Variants in IPO8 observed in about 807,000 individuals in gnomAD.
IPO8 encodes importin-8.
A neutral mutation model predicts 141.2 loss-of-function variants in IPO8; 65 were observed. The observed-to-expected ratio is 0.46, with a 90% CI of 0.38 to 0.57. IPO8 has a LOEUF of 0.57. Ranked by LOEUF, IPO8 falls within the 20% of genes least tolerant of loss-of-function variation. IPO8 has a pLI of 0.00. For missense variants in IPO8, 980 were observed against 1,246.8 expected (o/e 0.79, Z 3.22); for synonymous variants, 411 against 420.3 (o/e 0.98, Z 0.27).
At chr12:30,637,839 G>T (rs1591951095) in intron 21 of IPO8, among the ~76,000 whole-genome samples, 1 of 152,094 alleles carries the variant, frequency 6.6e-6, no homozygotes, top group Non-Finnish European at 1.5e-5. Flanking sequence ...AGAACTAAAA[G>T]ATTACATTGG....
At chr12:30,670,718 T>C (rs918085674) in intron 9 of IPO8, among the ~76,000 whole-genome samples, 1 of 152,206 alleles carries the variant, frequency 6.6e-6, no homozygotes, top group African/African-American at 2.4e-5. Flanking sequence ...TGAGGCTTAA[T>C]GAGATTAAGC....
At chr12:30,667,937 A>G (rs1295661655) in intron 10 of IPO8, among the ~76,000 whole-genome samples, 2 of 152,122 alleles carry the variant, frequency 1.3e-5, no homozygotes, top group Non-Finnish European at 2.9e-5. Context: ...GGAGTTCGAA[A>G]CCAGCCTGGG....
intron 19 of IPO8, 122 bp downstream of exon 19, chr12:30,652,068 AAT>A: frequency 1.8e-6 from 1 of 544,874 alleles, no homozygotes; most frequent in Non-Finnish European, 3.2e-6. Flanking sequence ...CAAATGAAAA[AAT>A]ATATGTTGAT....
rs775183942 is a variant in IPO8 at position 30,652,197 on chromosome 12, T to C, written c.2167A>G (p.Arg723Gly). The change falls in exon 19 of 25, where the codon AGG (arginine) becomes GGG (glycine). Residue 723 changes from arginine to glycine, a missense_variant. By Grantham distance (125) the Arg-to-Gly change is moderately radical (BLOSUM62 -2). Around this residue, in one of 3 missense-constraint regions of IPO8, gnomAD observed 924 missense variants for 1,153.9 expected, o/e 0.80. Transcript: ENST00000256079. ...KHLEILFTMC[R>G]KVLCGDAGED... The stretch of plus-strand genomic sequence containing the variant: ...ATAGATTAGGTCATGCTTACCTTCC[T>C]ACACATTGTAAAAAGAATTTCTAAA... 4.5e-6 allele frequency: 7 copies of C among 1,549,598 alleles called. No individual in the cohort carries two copies. Among genetic ancestry groups the C allele is most frequent in the Non-Finnish European group, 5.3e-6 (6 of 1,123,218 alleles).
rs1013849879 is a variant in IPO8, at chr12:30,695,511, C to G, written c.84+53G>C. 1.0e-5 allele frequency: 16 copies of G among 1,534,220 alleles called. No homozygotes were observed. In the Admixed American group the frequency reaches 1.3e-4, roughly 13 times the overall value. Reference sequence around the variant, plus strand: ...CGCCGGGGAGAGGGAGCCCGGCCAGCCGGCAGGGGCGCCCCTTCGGCGGAA... The same window carrying G: ...CGCCGGGGAGAGGGAGCCCGGCCAGGCGGCAGGGGCGCCCCTTCGGCGGAA... On this transcript the variant is annotated intron_variant, in intron 1 of 24. Transcript: ENST00000256079. The surrounding 1 kb of genome is among the most constrained non-coding windows in gnomAD (Gnocchi z 4.2).
intron 20 of IPO8, among the ~76,000 whole-genome samples, chr12:30,644,332 T>C (rs7296614): frequency 0.56 from 83,899 of 150,454 alleles, 24,291 homozygotes; most frequent in African/African-American, 0.71. Context: ...GACTGCACCA[T>C]TGCACTCCAG....
At chr12:30,685,838 G>C (rs1256995530) in intron 2 of IPO8, among the ~76,000 whole-genome samples, 1 of 149,944 alleles carries the variant, frequency 6.7e-6, no homozygotes, top group East Asian at 2.0e-4. Flanking sequence ...AGGAGGCGGA[G>C]GTTGCAGTGA....
At position 30,653,051 on chromosome 12, in the gene IPO8, A is replaced by G. The variant is rs183555614; in HGVS notation, c.1990T>C (p.Cys664Arg). Reference protein sequence around the residue: ...EILSLAYSLTCHSISPQMWQL... With the variant: ...EILSLAYSLTRHSISPQMWQL... ...CACATTTGAGGGGAAATACTGTGGC[A>G]GGTTAAACTGTATGCCAGGGAAAGA... is the stretch of plus-strand genomic sequence containing the variant. Residue 664 changes from cysteine to arginine, a missense_variant, in exon 18 of 25, where the codon TGC becomes CGC. Cys to Arg is a radical substitution (Grantham distance 180). Coordinates refer to ENST00000256079, the MANE Select transcript of IPO8 (RefSeq NM_006390.4). 3.8e-5 allele frequency: 61 copies of G among 1,611,388 alleles called. No individual in the cohort carries two copies. The African/African-American group carries it at 7.2e-4, about 19-fold the overall frequency.
chr12:30,654,818 C>T (rs1273467225), intron 17 of IPO8, among the ~76,000 whole-genome samples: 3 of 152,010 alleles, frequency 2.0e-5, no homozygotes, highest in Non-Finnish European at 2.9e-5. Context: ...AAAGATAGAA[C>T]TATCATATGA....
In IPO8 at chr12:30,674,088, G is replaced by C. The variant is rs373137602; in HGVS notation, c.825-14C>G. ...GGGCTTCCATATCTTAAAATACAAAGAGAAAATGTACAAATACCGTGAATT... is the reference window on the plus strand; with the variant it reads ...GGGCTTCCATATCTTAAAATACAAACAGAAAATGTACAAATACCGTGAATT... On this transcript the variant is annotated splice_polypyrimidine_tract_variant and intron_variant, in intron 7 of 24. Transcript: ENST00000256079. 2.9e-5 allele frequency: 43 copies of C among 1,475,304 alleles called. No homozygotes were observed. The highest frequency in any genetic ancestry group is 3.9e-5 in the Non-Finnish European group (41 of 1,062,552). The allele number at this position is 1,475,304 out of a possible 1,614,324, so 91.4% of individuals were successfully genotyped here.
rs567051979 is a variant in IPO8, at chr12:30,661,052, A to G, written c.1881+89T>C. The G allele has an allele frequency of 3.5e-5, 34 of 973,096 alleles. 1 individual carries two copies. The South Asian group carries it at 5.9e-4, about 17-fold the overall frequency. 60.3% of individuals were successfully genotyped at this position (973,096 alleles called of 1,614,324 possible). On this transcript the variant is annotated intron_variant, in intron 16 of 24. Transcript: ENST00000256079. ...AGCAACATAACTAAGTAGCAATTTA[A>G]AAGTGGAGACTTCAAAATTCATGGC...
At chr12:30,633,848 G>A (rs1015349729) in intron 23 of IPO8, among the ~76,000 whole-genome samples, 8 of 152,174 alleles carry the variant, frequency 5.3e-5, no homozygotes, top group Middle Eastern at 3.2e-3. Flanking sequence ...ATAACATACA[G>A]GCTCACCCTG....
chr12:30,681,909 T>G (rs1266151394), intron 3 of IPO8, 92 bp from the exon 4 acceptor site: 2 of 1,103,816 alleles, frequency 1.8e-6, no homozygotes, highest in Non-Finnish European at 2.5e-6. Flanking sequence ...GTTTGTTATC[T>G]TCTATTTACG....
Position 30,695,604 on chromosome 12 carries a change from T to C in IPO8, c.44A>G (p.Asp15Gly). ...CTCGGCTGCAATCCGCAACTTCGGG[T>C]CGATGGTGCCCTTCAGCGCCTGGAT... Reference protein sequence around the residue: ...RIIQALKGTIDPKLRIAAENE... With the variant: ...RIIQALKGTIGPKLRIAAENE... Residue 15 changes from aspartate (D) to glycine (G), a missense_variant, in exon 1 of 25, where the codon GAC becomes GGC. Around this residue, in one of 3 missense-constraint regions of IPO8, gnomAD observed 40 missense variants for 46.3 expected, o/e 0.86. Transcript: ENST00000256079. The surrounding 1 kb of genome is among the most constrained non-coding windows in gnomAD (Gnocchi z 4.2). 1 of 1,613,978 alleles carries C rather than the reference T, an allele frequency of 6.2e-7. No individual in the cohort carries two copies. Among genetic ancestry groups the C allele is most frequent in the Non-Finnish European group, 8.5e-7 (1 of 1,179,938 alleles).
chr12:30,682,730 A>C (rs2053201740), intron 3 of IPO8, among the ~76,000 whole-genome samples: 1 of 152,194 alleles, frequency 6.6e-6, no homozygotes, highest in Admixed American at 6.5e-5. Flanking sequence ...GCAACTAAAA[A>C]AAAAATAAAG....
At position 30,639,685 on chromosome 12, in the gene IPO8, G is replaced by GA; in HGVS notation, c.2318dup (p.Lys774GlnfsTer3). 1 of 1,614,068 alleles carries GA rather than the reference G, an allele frequency of 6.2e-7. No individual in the cohort carries two copies. The highest frequency in any genetic ancestry group is 8.5e-7 in the Non-Finnish European group (1 of 1,180,012). On this transcript the variant is annotated frameshift_variant, in exon 21 of 25. Transcript: ENST00000256079. LOFTEE classifies it high-confidence loss of function. ...ACATAGTACGAAGCTCACTAGTTTT[G>GA]ACCCCTCGAGTTAATCTCTCCAAAA...
At chr12:30,688,063 C>T (rs2053259528) in intron 2 of IPO8, among the ~76,000 whole-genome samples, 1 of 152,080 alleles carries the variant, frequency 6.6e-6, no homozygotes, top group African/African-American at 2.4e-5. Context: ...AAGTACATTT[C>T]TGAGCCTAAA....
At position 30,656,728 on chromosome 12, in the gene IPO8, A is replaced by T; in HGVS notation, c.1904T>A (p.Ile635Asn). 2.0e-6 allele frequency: 3 copies of T among 1,536,706 alleles called. No homozygotes were observed. Among genetic ancestry groups the T allele is most frequent in the Non-Finnish European group, 2.7e-6 (3 of 1,126,882 alleles). The change falls in exon 17 of 25, where the codon ATC (isoleucine) becomes AAC (asparagine). Residue 635 changes from isoleucine to asparagine, a missense_variant. Physicochemically the swap from Ile to Asn is moderately radical, Grantham distance 149. Transcript: ENST00000256079. ...HKEITQQLEN[I>N]CLRIIDLVLQ... ...AACAAGATCAATGATCCGTAGACAG[A>T]TATTCTCTAACTGCTGGGTAATCTA...
At position 30,695,227 on chromosome 12, in the gene IPO8, G is replaced by A. The variant is rs916773037; in HGVS notation, c.84+337C>T. ...ATTCCCACCTGCTCCCCAAGTCCGCGCACTTAAGGAAAATAAATCACACCC... is the reference window on the plus strand; with the variant it reads ...ATTCCCACCTGCTCCCCAAGTCCGCACACTTAAGGAAAATAAATCACACCC... On this transcript the variant is annotated intron_variant, in intron 1 of 24. Transcript: ENST00000256079. This position sits in a 1 kb window ranked among gnomAD's most constrained non-coding sequence, Gnocchi z 4.2. 1 of 447,336 alleles carries A rather than the reference G, an allele frequency of 2.2e-6. No homozygotes were observed. The highest frequency in any genetic ancestry group is 4.1e-6 in the Non-Finnish European group (1 of 240,972). The allele number at this position is 447,336 out of a possible 1,614,324, so 27.7% of individuals were successfully genotyped here. A position where few individuals can be genotyped will look rare whatever the true frequency, so the allele number is the denominator to read the frequency against.
Sources: allele counts gnomAD v4.1 joint callset (sites outside exome capture counted in the v4.1 genomes callset), GRCh38; gene constraint gnomAD v4.1.1; regional missense constraint gnomAD v4.1.1; non-coding constraint Gnocchi (gnomAD v3.1); transcripts MANE v1.5; gene names NCBI Gene and HGNC (gene_info 2026-07-23, HGNC 2026-07-21).